The following TMEM108 variants were observed in gnomAD, a reference collection of about 807,000 sequenced individuals.
TMEM108 encodes cancer/testis antigen 124.
A neutral mutation model predicts 35.1 loss-of-function variants in TMEM108; 12 were observed. The observed-to-expected ratio is 0.34, with a 90% CI of 0.22 to 0.55. The LOEUF is 0.55. Among genes scored for constraint, TMEM108 ranks in the 20% least tolerant of loss-of-function variants. TMEM108 has a pLI of 0.89. For missense variants in TMEM108, 680 were observed against 753.3 expected (o/e 0.90, Z 1.14); for synonymous variants, 287 against 308.6 (o/e 0.93, Z 0.73).
chr3:133,266,600 A>G (rs754724778), intron 3 of TMEM108, among the ~76,000 whole-genome samples: 12 of 152,186 alleles, frequency 7.9e-5, no homozygotes, highest in Non-Finnish European at 1.8e-4. Flanking sequence ...ATGAAGGTTT[A>G]CTGTATAGTT....
At chr3:133,331,571 G>C (rs1389297765) in intron 3 of TMEM108, among the ~76,000 whole-genome samples, 1 of 152,180 alleles carries the variant, frequency 6.6e-6, no homozygotes, top group African/African-American at 2.4e-5. Context: ...TAGCCTATCA[G>C]AACCCTCTGA....
At chr3:133,376,689 A>T (rs1366277527) in intron 3 of TMEM108, among the ~76,000 whole-genome samples, 4 of 152,098 alleles carry the variant, frequency 2.6e-5, no homozygotes, top group Non-Finnish European at 5.9e-5. Flanking sequence ...TGTGAGTTTG[A>T]GGTGCCCACC....
In TMEM108 at chr3:133,381,150, TCTC is replaced by T. The variant is rs2073001387; in HGVS notation, c.1445_1447del (p.Ser482del). The T allele has an allele frequency of 1.3e-6, 2 of 1,599,630 alleles. No homozygotes were observed. Among genetic ancestry groups the T allele is most frequent in the Admixed American group, 1.7e-5 (1 of 59,490 alleles). On this transcript the variant is annotated inframe_deletion, in exon 4 of 6. Transcript: ENST00000321871. ...GTGATCCTGGCCATCAGCGTGCCCA[TCTC>T]CTCCTGCTGTAAGTGCCGCCCTCTC...
intron 2 of TMEM108, among the ~76,000 whole-genome samples, chr3:133,108,078 A>G (rs1050440178): frequency 1.3e-5 from 2 of 152,114 alleles, no homozygotes; most frequent in African/African-American, 4.8e-5. Context: ...TAAAAATACA[A>G]AAGTTAGCCA....
intron 3 of TMEM108, among the ~76,000 whole-genome samples, chr3:133,307,756 A>G (rs4642122): frequency 0.34 from 51,557 of 151,908 alleles, 9,154 homozygotes; most frequent in East Asian, 0.48. Context: ...CCAGTACTAT[A>G]CTGTTTTGGT....
chr3:133,228,399 G>A (rs920512480), intron 2 of TMEM108, among the ~76,000 whole-genome samples: 3 of 152,136 alleles, frequency 2.0e-5, no homozygotes, highest in African/African-American at 7.2e-5. Context: ...TCTTCCTTGG[G>A]TAGAGTGTAG....
intron 2 of TMEM108, among the ~76,000 whole-genome samples, chr3:133,211,916 C>CTTTAT (rs200296167): frequency 0.015 from 2,323 of 152,146 alleles, 75 homozygotes; most frequent in African/African-American, 0.051. Flanking sequence ...TGACAACCTC[C>CTTTAT]TTTATTTTAT....
chr3:133,065,041 C>T (rs923101594), intron 2 of TMEM108, among the ~76,000 whole-genome samples: 1 of 152,172 alleles, frequency 6.6e-6, no homozygotes, highest in Non-Finnish European at 1.5e-5. Flanking sequence ...TTACAAGGCA[C>T]AACCAGGCCT....
chr3:133,359,635 A>G (rs770292938), intron 3 of TMEM108, among the ~76,000 whole-genome samples: 1 of 152,210 alleles, frequency 6.6e-6, no homozygotes, highest in Non-Finnish European at 1.5e-5. Flanking sequence ...GACATCACAC[A>G]GTAGTTATTT....
intron 4 of TMEM108, chr3:133,386,472 A>G (rs1177103921): frequency 2.0e-6 from 3 of 1,535,980 alleles, no homozygotes; most frequent in Admixed American, 3.9e-5. Context: ...TGAATACAGT[A>G]CTCAGGGCTC....
intron 2 of TMEM108, among the ~76,000 whole-genome samples, chr3:133,094,805 A>G (rs1259618313): frequency 6.6e-6 from 1 of 151,818 alleles, no homozygotes; most frequent in Non-Finnish European, 1.5e-5. Flanking sequence ...ACTAACTTCC[A>G]TAACACTTTA....
At chr3:133,127,115 G>A (rs1042851399) in intron 2 of TMEM108, among the ~76,000 whole-genome samples, 7 of 152,002 alleles carry the variant, frequency 4.6e-5, no homozygotes, top group Non-Finnish European at 8.8e-5. Flanking sequence ...AAGTTTCATG[G>A]ACAATACTTG....
chr3:133,267,126 TGTAGA>T (rs1449373295), intron 3 of TMEM108, among the ~76,000 whole-genome samples: 2 of 151,614 alleles, frequency 1.3e-5, no homozygotes, highest in Admixed American at 6.6e-5. Context: ...ATATAGTTGC[TGTAGA>T]GCCACCATTC....
At chr3:133,175,347 C>G (rs1404187962) in intron 2 of TMEM108, among the ~76,000 whole-genome samples, 7 of 152,092 alleles carry the variant, frequency 4.6e-5, no homozygotes, top group Non-Finnish European at 7.4e-5. Context: ...TACTCCTCAA[C>G]AAAAGCATCT....
intron 2 of TMEM108, among the ~76,000 whole-genome samples, chr3:133,058,486 T>C (rs1453821941): frequency 2.0e-5 from 3 of 152,262 alleles, no homozygotes; most frequent in Non-Finnish European, 4.4e-5. Context: ...GTCCACCTTT[T>C]CTGTCTAGGG....
chr3:133,224,421 A>G (rs920554511), intron 2 of TMEM108, among the ~76,000 whole-genome samples: 1 of 152,202 alleles, frequency 6.6e-6, no homozygotes, highest in African/African-American at 2.4e-5. Flanking sequence ...ACACAGATGT[A>G]GCATATTGAT....
chr3:133,257,215 T>A (rs1231838248), intron 3 of TMEM108: 1 of 152,202 alleles, frequency 6.6e-6, no homozygotes, highest in Non-Finnish European at 1.5e-5. Context: ...GTCACAGTAT[T>A]ATGAGTAATG....
intron 4 of TMEM108, among the ~76,000 whole-genome samples, chr3:133,382,033 C>G (rs75545696): frequency 0.011 from 1,746 of 152,310 alleles, 39 homozygotes; most frequent in African/African-American, 0.04. Context: ...CTGGTACAAC[C>G]TCTCAGAACT....
chr3:133,365,384 C>T (rs903140127), intron 3 of TMEM108, among the ~76,000 whole-genome samples: 1 of 152,108 alleles, frequency 6.6e-6, no homozygotes, highest in African/African-American at 2.4e-5. Context: ...GTAATTCTGG[C>T]ATTTATTTTC....
Sources: allele counts gnomAD v4.1 joint callset (sites outside exome capture counted in the v4.1 genomes callset), GRCh38; gene constraint gnomAD v4.1.1; transcripts MANE v1.5; gene names NCBI Gene and HGNC (gene_info 2026-07-23, HGNC 2026-07-21).